The following PLEKHG4B variants were observed in gnomAD, a reference collection of about 807,000 sequenced individuals.
PLEKHG4B encodes pleckstrin homology and RhoGEF domain containing G4B.
PLEKHG4B carries 111 observed loss-of-function variants against 121.3 expected under a neutral mutation model. That is an observed-to-expected ratio of 0.92 (90% CI 0.78 to 1.07). The LOEUF is 1.07. Ranked by LOEUF, PLEKHG4B falls within the 50% of genes least tolerant of loss-of-function variation. The pLI is 0.00. For synonymous variants in PLEKHG4B, 738 were observed against 725.0 expected, an observed-to-expected ratio of 1.02 and a Z score of -0.29; for missense variants, 1,831 against 1,757.8, an observed-to-expected ratio of 1.04 and a Z score of -0.74.
chr5:96,417 T>A (rs775862003), intron 1 of PLEKHG4B, among the ~76,000 whole-genome samples: 1 of 152,240 alleles, frequency 6.6e-6, no homozygotes, highest in Non-Finnish European at 1.5e-5. Context: ...TTTCAAGTTG[T>A]TTATACTCAA....
chr5:134,076 A>AATATATAT (rs67940117), intron 2 of PLEKHG4B, among the ~76,000 whole-genome samples: 42 of 40,282 alleles, frequency 1.0e-3, no homozygotes, highest in East Asian at 2.4e-3. Flanking sequence ...TATATGATAG[A>AATATATAT]ATATATATAT....
chr5:143,001 C>T (rs368569592), intron 3 of PLEKHG4B, 46 bp from the exon 4 acceptor site: 52 of 1,561,416 alleles, frequency 3.3e-5, no homozygotes, highest in Admixed American at 2.7e-4. Flanking sequence ...GCTTTCAACG[C>T]GCAGGAAAAC....
intron 17 of PLEKHG4B, among the ~76,000 whole-genome samples, chr5:173,421 T>C (rs1469927558): frequency 1.3e-5 from 2 of 151,906 alleles, no homozygotes; most frequent in South Asian, 2.1e-4. Flanking sequence ...ATGCACCACG[T>C]TGGGCAGGTT....
chr5:154,664 T>C (rs962424382), intron 7 of PLEKHG4B, among the ~76,000 whole-genome samples: 3 of 151,046 alleles, frequency 2.0e-5, no homozygotes, highest in Non-Finnish European at 4.4e-5. Context: ...CTGAGGCCTT[T>C]CCTTCACTTG....
intron 11 of PLEKHG4B, among the ~76,000 whole-genome samples, chr5:158,021 G>A (rs1268391708): frequency 6.6e-6 from 1 of 152,176 alleles, no homozygotes; most frequent in Non-Finnish European, 1.5e-5. Context: ...ATTGGCCAGG[G>A]GCCCAGCTGG....
At chr5:124,407 G>A (rs2126372741) in intron 2 of PLEKHG4B, among the ~76,000 whole-genome samples, 1 of 152,300 alleles carries the variant, frequency 6.6e-6, no homozygotes, top group African/African-American at 2.4e-5. Flanking sequence ...GATTTATGGT[G>A]TTGTTAAAGT....
chr5:114,030 G>A (rs999564468), intron 2 of PLEKHG4B, among the ~76,000 whole-genome samples: 4 of 152,234 alleles, frequency 2.6e-5, no homozygotes, highest in Non-Finnish European at 4.4e-5. Flanking sequence ...TATAGTCTAA[G>A]TGTGCAGTAG....
rs116784479 is a variant in PLEKHG4B at position 140,453 on chromosome 5, G to C, written c.1214G>C (p.Arg405Pro). The C allele has an allele frequency of 1.9e-6, 3 of 1,582,070 alleles. No individual in the cohort carries two copies. Among genetic ancestry groups the C allele is most frequent in the South Asian group, 1.1e-5 (1 of 86,998 alleles). ...ACCCAGGAGGAAACCTCTGGCCCCC[G>C]GGGAGACCCCCAACAGACCCCAAGT... ...SGTQEETSGP[R>P]GDPQQTPSLE... Residue 405 changes from arginine to proline, a missense_variant, in exon 3 of 20, where the codon CGG (arginine) becomes CCG (proline). Transcript: ENST00000637938.
At chr5:98,980 C>T (rs1284654145) in intron 1 of PLEKHG4B, among the ~76,000 whole-genome samples, 1 of 141,858 alleles carries the variant, frequency 7.0e-6, no homozygotes, top group African/African-American at 2.6e-5. Context: ...CAGAGTGAAA[C>T]CCCGTCTCTA....
intron 6 of PLEKHG4B, among the ~76,000 whole-genome samples, chr5:145,538 G>A (rs1178368732): frequency 6.6e-6 from 1 of 152,182 alleles, no homozygotes; most frequent in Non-Finnish European, 1.5e-5. Context: ...TTTTTTGTAT[G>A]TTTACTAGAG....
chr5:130,636 C>T (rs1410330586), intron 2 of PLEKHG4B, among the ~76,000 whole-genome samples: 1 of 152,214 alleles, frequency 6.6e-6, no homozygotes, highest in Non-Finnish European at 1.5e-5. Context: ...TTATTTTTAG[C>T]AGCTGAGCTG....
intron 6 of PLEKHG4B, among the ~76,000 whole-genome samples, chr5:145,415 C>A (rs906167129): frequency 3.3e-5 from 5 of 152,186 alleles, no homozygotes; most frequent in African/African-American, 1.2e-4. Context: ...CAGACAGGGT[C>A]AATGCCATTG....
At chr5:143,698 C>T (rs960709808) in intron 5 of PLEKHG4B, among the ~76,000 whole-genome samples, 195 bp downstream of exon 5, 1 of 152,222 alleles carries the variant, frequency 6.6e-6, no homozygotes, top group Non-Finnish European at 1.5e-5. Flanking sequence ...CTTCTCTACA[C>T]ATCCTTCCCA....
intron 12 of PLEKHG4B, 44 bp downstream of exon 12, chr5:161,988 T>G: frequency 1.3e-6 from 2 of 1,557,708 alleles, no homozygotes; most frequent in Non-Finnish European, 1.7e-6. Context: ...CCCGGCTCCT[T>G]AGGCTGTGGA....
chr5:92,427 GAGCGGACGC>G, intron 1 of PLEKHG4B, among the ~76,000 whole-genome samples, 151 bp downstream of exon 1: 2 of 21,178 alleles, frequency 9.4e-5, no homozygotes, highest in Non-Finnish European at 1.9e-4. Context: ...GTGGGGGCGC[GAGCGGACGC>G]GGGAGTAGGG....
chr5:168,527 C>T (rs1736426717), intron 13 of PLEKHG4B, among the ~76,000 whole-genome samples: 1 of 152,140 alleles, frequency 6.6e-6, no homozygotes, highest in South Asian at 2.1e-4. Flanking sequence ...AAATTTCCAC[C>T]ACAGCCTTCC....
At chr5:179,226 C>G (rs772617150) in intron 18 of PLEKHG4B, among the ~76,000 whole-genome samples, 14 of 152,140 alleles carry the variant, frequency 9.2e-5, no homozygotes, top group South Asian at 8.3e-4. Context: ...ATCTTTTTAT[C>G]TAGTTTGACT....
chr5:123,669 C>T (rs184901084), intron 2 of PLEKHG4B, among the ~76,000 whole-genome samples: 2 of 152,186 alleles, frequency 1.3e-5, no homozygotes, highest in Non-Finnish European at 2.9e-5. Context: ...AATAATTTTT[C>T]ATAATCCTTT....
chr5:162,598 C>T (rs1736054222), intron 12 of PLEKHG4B, 124 bp from the exon 13 acceptor site: 1 of 691,510 alleles, frequency 1.4e-6, no homozygotes, highest in African/African-American at 1.9e-5. Context: ...GCGGGACTGC[C>T]TCTCGCTCTG....
Sources: allele counts gnomAD v4.1 joint callset (sites outside exome capture counted in the v4.1 genomes callset), GRCh38; gene constraint gnomAD v4.1.1; transcripts MANE v1.5; gene names NCBI Gene and HGNC (gene_info 2026-07-23, HGNC 2026-07-21).